Variants in NCOA7 observed in about 807,000 individuals in gnomAD.
NCOA7 encodes nuclear receptor coactivator 7.
A neutral mutation model predicts 104.3 loss-of-function variants in NCOA7; 45 were observed. That is an observed-to-expected ratio of 0.43 (90% CI 0.34 to 0.55). NCOA7 has a LOEUF of 0.55. NCOA7 is among the 20% of genes least tolerant of loss of function. The pLI, the probability that NCOA7 is intolerant of heterozygous loss-of-function variation, is 0.02. For synonymous variants in NCOA7, 398 were observed against 402.3 expected, an observed-to-expected ratio of 0.99 and a Z score of 0.13; for missense variants, 1,041 against 1,119.7, an observed-to-expected ratio of 0.93 and a Z score of 1.00.
chr6:125,790,184 A>G (rs531189783), upstream of NCOA7, among the ~76,000 whole-genome samples: 11 of 152,374 alleles, frequency 7.2e-5, 1 homozygote, highest in South Asian at 4.1e-4. Flanking sequence ...CCCCTCTGTT[A>G]AACGCAACGC....
chr6:125,903,788 C>A (rs1375643225), intron 10 of NCOA7, among the ~76,000 whole-genome samples: 1 of 151,886 alleles, frequency 6.6e-6, no homozygotes, highest in Non-Finnish European at 1.5e-5. Context: ...TCACTGCAAC[C>A]TCCACCTCCT....
chr6:125,915,634 A>G (rs1233426330), intron 11 of NCOA7, among the ~76,000 whole-genome samples, 154 bp downstream of exon 11: 16 of 152,098 alleles, frequency 1.1e-4, no homozygotes, highest in Non-Finnish European at 7.4e-5. Flanking sequence ...CGTTTGAAAA[A>G]AAACACCACC....
At chr6:125,863,658 C>T (rs1452822626) in intron 3 of NCOA7, among the ~76,000 whole-genome samples, 1 of 137,606 alleles carries the variant, frequency 7.3e-6, no homozygotes, top group Non-Finnish European at 1.5e-5. Flanking sequence ...CACAAAATAC[C>T]ATATAACTGA....
intron 10 of NCOA7, among the ~76,000 whole-genome samples, chr6:125,912,555 A>G (rs558672910): frequency 6.6e-6 from 1 of 152,340 alleles, no homozygotes; most frequent in African/African-American, 2.4e-5. Flanking sequence ...GGCCCACGGT[A>G]TTTATTGGTA....
intron 1 of NCOA7, among the ~76,000 whole-genome samples, chr6:125,803,379 T>A (rs1000615508): frequency 6.6e-6 from 1 of 152,192 alleles, no homozygotes; most frequent in African/African-American, 2.4e-5. Context: ...TTAGAGCACA[T>A]TGGGTCCTTT....
intron 8 of NCOA7, among the ~76,000 whole-genome samples, chr6:125,885,644 G>A (rs1241259774): frequency 6.6e-6 from 1 of 152,212 alleles, no homozygotes; most frequent in African/African-American, 2.4e-5. Context: ...TATGAAGGAA[G>A]AAAGGCAGTT....
intron 10 of NCOA7, among the ~76,000 whole-genome samples, chr6:125,898,995 A>G (rs553627473): frequency 6.6e-6 from 1 of 152,160 alleles, no homozygotes; most frequent in Non-Finnish European, 1.5e-5. Flanking sequence ...TGCATGGATT[A>G]ATGTAATAAT....
intron 3 of NCOA7, among the ~76,000 whole-genome samples, chr6:125,856,950 A>G (rs1781611756): frequency 6.6e-6 from 1 of 152,172 alleles, no homozygotes; most frequent in Non-Finnish European, 1.5e-5. Context: ...TTGAGGTAGT[A>G]ATAAAAGCTG....
At chr6:125,915,505 C>A (rs375605915) in intron 11 of NCOA7, 25 bp downstream of exon 11, 2 of 1,612,720 alleles carry the variant, frequency 1.2e-6, no homozygotes, top group Non-Finnish European at 1.7e-6. Flanking sequence ...AGGGTTAGAC[C>A]GTCGTAGTTC....
chr6:125,928,416 A>G (rs1788229010), intron 15 of NCOA7, among the ~76,000 whole-genome samples, 169 bp downstream of exon 15: 1 of 152,194 alleles, frequency 6.6e-6, no homozygotes. Context: ...CTAAGAATCA[A>G]AGATAGAATA....
At chr6:125,908,066 CTG>C (rs1786190718) in intron 10 of NCOA7, among the ~76,000 whole-genome samples, 1 of 152,196 alleles carries the variant, frequency 6.6e-6, no homozygotes, top group East Asian at 1.9e-4. Context: ...ATAGTCCACT[CTG>C]GGAACAAGCA....
At chr6:125,916,709 G>A (rs1478818146) in intron 11 of NCOA7, among the ~76,000 whole-genome samples, 2 of 152,112 alleles carry the variant, frequency 1.3e-5, no homozygotes, top group East Asian at 1.9e-4. Context: ...TCTAGCCTGC[G>A]TGCAATCCTG....
intron 2 of NCOA7, among the ~76,000 whole-genome samples, chr6:125,824,048 A>G (rs1234464339): frequency 1.3e-5 from 2 of 152,012 alleles, no homozygotes; most frequent in Non-Finnish European, 2.9e-5. Context: ...TTGTTAGCAT[A>G]TTGGGAGTGA....
intron 2 of NCOA7, among the ~76,000 whole-genome samples, chr6:125,817,402 C>T (rs1437771771): frequency 2.0e-5 from 3 of 152,076 alleles, no homozygotes; most frequent in African/African-American, 4.8e-5. Context: ...CTGAGTAATC[C>T]AGTTTGTCTG....
chr6:125,871,745 C>T (rs1340413956), intron 3 of NCOA7, among the ~76,000 whole-genome samples: 10 of 152,108 alleles, frequency 6.6e-5, no homozygotes. Flanking sequence ...CCTGTAATCC[C>T]ACCACTTTGG....
chr6:125,792,497 A>T (rs948589079), intron 1 of NCOA7, among the ~76,000 whole-genome samples: 4 of 152,188 alleles, frequency 2.6e-5, no homozygotes, highest in African/African-American at 9.7e-5. Context: ...AGAGGAAACA[A>T]TGATTTGGTT....
chr6:125,830,735 A>ATGTGTGTGTGTGTGTG (rs779830277), intron 2 of NCOA7, among the ~76,000 whole-genome samples: 12 of 134,008 alleles, frequency 9.0e-5, no homozygotes, highest in East Asian at 6.9e-4. Flanking sequence ...ATATATATAT[A>ATGTGTGTGTGTGTGTG]TATGTGTGTG....
chr6:125,855,480 A>G, intron 3 of NCOA7: 1 of 358,904 alleles, frequency 2.8e-6, no homozygotes, highest in Non-Finnish European at 5.1e-6. Flanking sequence ...GTGTACTACT[A>G]AACGTTTATC....
chr6:125,847,714 T>C (rs1336840224), intron 2 of NCOA7, among the ~76,000 whole-genome samples: 1 of 152,158 alleles, frequency 6.6e-6, no homozygotes, highest in Non-Finnish European at 1.5e-5. Flanking sequence ...GAAGAAAACC[T>C]AGGCAATGCC....
Sources: gnomAD v4.1 joint callset for allele counts (sites outside exome capture counted in the v4.1 genomes callset) on GRCh38, gnomAD v4.1.1 for gene constraint, MANE v1.5 for transcripts, NCBI Gene and HGNC (gene_info 2026-07-23, HGNC 2026-07-21) for gene names.